DDOST: variants seen among roughly 807,000 people sequenced by gnomAD.
The protein encoded by DDOST is dolichyl-diphosphooligosaccharide--protein glycosyltransferase non-catalytic subunit.
Under a neutral mutation model 47.6 loss-of-function variants are expected in DDOST, and 25 were observed. The observed-to-expected ratio is 0.53, with a 90% CI of 0.38 to 0.73. The LOEUF (loss-of-function observed/expected upper bound fraction) is 0.73, where lower values mean the gene tolerates loss of function less well. Among genes scored for constraint, DDOST ranks in the 30% least tolerant of loss-of-function variants. The pLI is 0.00. For missense variants in DDOST, 526 were observed against 573.9 expected, an observed-to-expected ratio of 0.92 and a Z score of 0.85; for synonymous variants, 275 against 236.0, an observed-to-expected ratio of 1.17 and a Z score of -1.51.
rs751418274 is a variant in DDOST at position 20,652,450 on chromosome 1, A to C, written c.1249T>G (p.Ser417Ala). ...SAYPYYASAF[S>A]MMLGLFIFSI... The stretch of plus-strand genomic sequence containing the variant: ...AAGATGAAGAGCCCCAGCATCATGG[A>C]GAAGGCGCTGGCGTAGTAGGGGTAG... Residue 417 changes from serine (S) to alanine (A), a missense_variant, in exon 11 of 11, where the codon TCC becomes GCC. By Grantham distance (99) the Ser-to-Ala change is moderately conservative. Transcript: ENST00000602624. 5.6e-6 allele frequency: 9 copies of C among 1,613,998 alleles called. No homozygotes were observed. The highest frequency in any genetic ancestry group is 7.6e-6 in the Non-Finnish European group (9 of 1,179,984).
chr1:20,652,404 A>G lies in DDOST; in HGVS notation c.1295T>C (p.Met432Thr). 1 of 1,613,582 alleles carries G rather than the reference A, an allele frequency of 6.2e-7. No individual in the cohort carries two copies. Among genetic ancestry groups the G allele is most frequent in the Non-Finnish European group, 8.5e-7 (1 of 1,179,786 alleles). Residue 432 changes from methionine (M) to threonine (T), a missense_variant, in exon 11 of 11, where the codon ATG becomes ACG. By Grantham distance (81) the Met-to-Thr change is moderately conservative. Coordinates refer to ENST00000602624, the MANE Select transcript of DDOST (RefSeq NM_005216.5). ...LFIFSIVFLHMKEKEKSD is the reference protein window; with the variant it reads ...LFIFSIVFLHTKEKEKSD The stretch of plus-strand genomic sequence containing the variant: ...TCAGTCGGACTTCTCCTTCTCCTTC[A>G]TGTGCAAGAAGACGATGCTGAAGAT...
chr1:20,659,790 G>C (rs966425090), intron 2 of DDOST, among the ~76,000 whole-genome samples: 4 of 152,168 alleles, frequency 2.6e-5, no homozygotes, highest in African/African-American at 9.7e-5. Context: ...AAGAAGCCAT[G>C]TCCCAGTTAT....
intron 2 of DDOST, among the ~76,000 whole-genome samples, chr1:20,657,097 G>C (rs1219817708): frequency 6.6e-6 from 1 of 152,272 alleles, no homozygotes; most frequent in Non-Finnish European, 1.5e-5. Flanking sequence ...GTAAGCGTGA[G>C]CCAGGCAGTC....
intron 2 of DDOST, among the ~76,000 whole-genome samples, chr1:20,656,797 A>T (rs1374417564): frequency 6.6e-6 from 1 of 152,222 alleles, no homozygotes; most frequent in Admixed American, 6.5e-5. Flanking sequence ...AATTTCCAAC[A>T]TCTGTAACTG....
chr1:20,656,566 C>T (rs1434289733), intron 2 of DDOST, among the ~76,000 whole-genome samples: 1 of 152,212 alleles, frequency 6.6e-6, no homozygotes, highest in Non-Finnish European at 1.5e-5. Flanking sequence ...TGATGCTGAT[C>T]ACTGGAGCCA....
At chr1:20,655,181 T>TTTG (rs2053357296) in intron 5 of DDOST, among the ~76,000 whole-genome samples, 1 of 149,226 alleles carries the variant, frequency 6.7e-6, no homozygotes, top group Non-Finnish European at 1.5e-5. Flanking sequence ...GTTTTTTTTT[T>TTTG]TTTTTTTTTT....
chr1:20,655,162 C>CTTTTTTTTGT (rs2053354821), intron 5 of DDOST, among the ~76,000 whole-genome samples: 1 of 86,904 alleles, frequency 1.2e-5, no homozygotes, highest in Non-Finnish European at 2.4e-5. Flanking sequence ...GCTCGGCCAA[C>CTTTTTTTTGT]TTTTTTTTGT....
intron 2 of DDOST, among the ~76,000 whole-genome samples, chr1:20,657,370 C>A (rs10799657): frequency 0.19 from 29,018 of 152,042 alleles, 2,854 homozygotes; most frequent in Non-Finnish European, 0.2. Context: ...ACGATCCTGG[C>A]AGCGGGGTAG....
intron 2 of DDOST, among the ~76,000 whole-genome samples, chr1:20,660,009 T>G (rs968124688): frequency 6.6e-6 from 1 of 152,164 alleles, no homozygotes; most frequent in Non-Finnish European, 1.5e-5. Context: ...AGGGACAACT[T>G]GAGTCTTTTA....
Position 20,655,548 on chromosome 1 carries a change from A to T in DDOST, c.457-14T>A, listed in dbSNP as rs373001976. The T allele has an allele frequency of 1.7e-4, 270 of 1,612,578 alleles. No individual in the cohort carries two copies. The highest frequency in any genetic ancestry group is 2.1e-4 in the Non-Finnish European group (248 of 1,178,776). The stretch of plus-strand genomic sequence containing the variant: ...GATGAGCGTATGCTGCAAAGAGTAG[A>T]TGGAAAGGTGGGTGGTCAGGAAAAG... On this transcript the variant is annotated splice_polypyrimidine_tract_variant and intron_variant, in intron 4 of 10. Transcript: ENST00000602624.
chr1:20,659,555 A>G (rs2053413841), intron 2 of DDOST, among the ~76,000 whole-genome samples: 1 of 152,228 alleles, frequency 6.6e-6, no homozygotes, highest in Non-Finnish European at 1.5e-5. Context: ...CAAACACAGC[A>G]AAAACTTGGC....
chr1:20,652,909 GTCA>G lies in DDOST; in HGVS notation c.1002_1004del (p.Asp335del), dbSNP rs1557570768. The G allele has an allele frequency of 1.2e-6, 2 of 1,614,204 alleles. No homozygotes were observed. The highest frequency in any genetic ancestry group is 2.2e-5 in the South Asian group (2 of 91,080). ...CAATGCGGACAAACTCCAGCTGAATGTCATCGCCATCAAAGGGGACCCATTTGC... is the reference window on the plus strand; with the variant it reads ...CAATGCGGACAAACTCCAGCTGAATGTCGCCATCAAAGGGGACCCATTTGC... On this transcript the variant is annotated inframe_deletion, in exon 9 of 11. Transcript: ENST00000602624.
In DDOST at chr1:20,660,908, G is replaced by A; in HGVS notation, c.238C>T (p.Leu80Phe). Residue 80 changes from leucine to phenylalanine, a missense_variant, in exon 2 of 11, where the codon CTC (leucine) becomes TTC (phenylalanine). Physicochemically the swap from Leu to Phe is conservative, Grantham distance 22. Coordinates refer to ENST00000602624, the MANE Select transcript of DDOST (RefSeq NM_005216.5). Reference protein sequence around the residue: ...IKYGEFLYDNLIIFSPSVEDF... With the variant: ...IKYGEFLYDNFIIFSPSVEDF... ...TCTACCGAAGGGGAGAAAATGATGA[G>A]ATTGTCATAGAGGAATTCCCCATAC... is the stretch of plus-strand genomic sequence containing the variant. The A allele has an allele frequency of 6.2e-7, 1 of 1,611,954 alleles. No homozygotes were observed. Among genetic ancestry groups the A allele is most frequent in the Non-Finnish European group, 8.5e-7 (1 of 1,178,044 alleles).
At chr1:20,658,257 C>CT (rs2053396851) in intron 2 of DDOST, among the ~76,000 whole-genome samples, 1 of 152,240 alleles carries the variant, frequency 6.6e-6, no homozygotes, top group Admixed American at 6.5e-5. Flanking sequence ...TGCCAGTGAC[C>CT]TGGGAGCCTT....
chr1:20,655,473 GA>G lies in DDOST; in HGVS notation c.517del (p.Ser173HisfsTer3). 1.2e-6 allele frequency: 2 copies of G among 1,614,016 alleles called. No homozygotes were observed. The highest frequency in any genetic ancestry group is 1.7e-6 in the Non-Finnish European group (2 of 1,179,968). Reference sequence around the variant, plus strand: ...TCGAAAGAGGATGGGATTTAGAGATGATTTCCCAACGATGGTTGGGGCCTTC... The same window carrying G: ...TCGAAAGAGGATGGGATTTAGAGATGTTTCCCAACGATGGTTGGGGCCTTC... ...LLKAPTIVGK[S>X]SLNPILFRGV... On this transcript the variant is annotated frameshift_variant, in exon 5 of 11. Transcript: ENST00000602624. LOFTEE classifies it high-confidence loss of function.
Position 20,655,787 on chromosome 1 carries a change from G to T in DDOST, c.353-8C>A. On this transcript the variant is annotated splice_polypyrimidine_tract_variant and splice_region_variant and intron_variant, in intron 3 of 10. Transcript: ENST00000602624. The stretch of plus-strand genomic sequence containing the variant: ...GCTCTCGAAGAGGGTCACCTGCACA[G>T]ACCGAAGAGACACCTAGCTGAGCCC... 6.2e-7 allele frequency: 1 copy of T among 1,611,708 alleles called. No homozygotes were observed. Among genetic ancestry groups the T allele is most frequent in the South Asian group, 1.1e-5 (1 of 91,020 alleles).
intron 5 of DDOST, among the ~76,000 whole-genome samples, chr1:20,655,152 G>A (rs2874258): frequency 5.4e-5 from 8 of 148,148 alleles, no homozygotes; most frequent in East Asian, 2.0e-4. Context: ...GAGCCACTGC[G>A]CTCGGCCAAC....
chr1:20,653,761 C>T lies in DDOST; in HGVS notation c.808G>A (p.Gly270Ser). Residue 270 changes from glycine (G) to serine (S), a missense_variant, in exon 8 of 11, where the codon GGC (glycine) becomes AGC (serine). Coordinates refer to ENST00000602624, the MANE Select transcript of DDOST (RefSeq NM_005216.5). ...APGSQRYSQTGNYELAVALSR... is the reference protein window; with the variant it reads ...APGSQRYSQTSNYELAVALSR... ...AGGGCCACAGCTAGTTCATAGTTGC[C>T]TGTCTGGGAATACCTGCAGGAGGGA... The T allele has an allele frequency of 6.2e-7, 1 of 1,613,480 alleles. No homozygotes were observed. Among genetic ancestry groups the T allele is most frequent in the Non-Finnish European group, 8.5e-7 (1 of 1,179,634 alleles).
Position 20,661,244 on chromosome 1 carries a change from T to G in DDOST, c.107A>C (p.Asn36Thr). 1 of 1,613,988 alleles carries G rather than the reference T, an allele frequency of 6.2e-7. No individual in the cohort carries two copies. The highest frequency in any genetic ancestry group is 1.1e-5 in the South Asian group (1 of 91,080). The change falls in exon 1 of 11, where the codon AAC becomes ACC. Residue 36 changes from asparagine (N) to threonine (T), a missense_variant. Physicochemically the swap from Asn to Thr is moderately conservative, Grantham distance 65. Coordinates refer to ENST00000602624, the MANE Select transcript of DDOST (RefSeq NM_005216.5). ...SGPRTLVLLD[N>T]LNVRETHSLF... The stretch of plus-strand genomic sequence containing the variant: ...CGAATGAGTCTCCCGCACGTTGAGG[T>G]TGTCCAGCAGCACTAAGGTGCGGGG...
Sources: allele counts gnomAD v4.1 joint callset (sites outside exome capture counted in the v4.1 genomes callset), GRCh38; gene constraint gnomAD v4.1.1; transcripts MANE v1.5; gene names NCBI Gene and HGNC (gene_info 2026-07-23, HGNC 2026-07-21).